Variants in SUPT16H observed in about 807,000 individuals in gnomAD.
The protein encoded by SUPT16H is SPT16 homolog, facilitates chromatin remodeling subunit.
SUPT16H carries 24 observed loss-of-function variants against 136.2 expected under a neutral mutation model. That is an observed-to-expected ratio of 0.18 (90% CI 0.13 to 0.25). SUPT16H has a LOEUF of 0.25. SUPT16H is among the 10% of genes least tolerant of loss of function. The probability of loss-of-function intolerance (pLI) is 1.00; values close to 1 mark genes in which losing one functional copy is unlikely to be tolerated. For missense variants in SUPT16H, 623 were observed against 1,270.2 expected, an observed-to-expected ratio of 0.49 and a Z score of 7.74; for synonymous variants, 415 against 428.2, an observed-to-expected ratio of 0.97 and a Z score of 0.38.
At chr14:21,365,235 A>G in intron 8 of SUPT16H, 92 bp from the exon 9 acceptor site, 2 of 1,211,478 alleles carry the variant, frequency 1.7e-6, no homozygotes, top group Non-Finnish European at 2.4e-6. Context: ...ACAATAAGAC[A>G]GGCAAACATG....
At chr14:21,383,563 G>A in intron 1 of SUPT16H, 1 of 689,608 alleles carries the variant, frequency 1.5e-6, no homozygotes, top group African/African-American at 1.8e-5. Flanking sequence ...CACGGAGTAG[G>A]AGGGAAGGAT....
At chr14:21,364,758 C>A (rs1886629469) in intron 10 of SUPT16H, 69 bp downstream of exon 10, 2 of 1,394,184 alleles carry the variant, frequency 1.4e-6, no homozygotes, top group Non-Finnish European at 2.0e-6. Context: ...AAGAAAAAAA[C>A]CACAGGGTCC....
chr14:21,362,661 G>T, intron 14 of SUPT16H, 133 bp downstream of exon 14: 1 of 1,035,182 alleles, frequency 9.7e-7, no homozygotes, highest in Non-Finnish European at 1.4e-6. Flanking sequence ...AAGACAAGAG[G>T]GATGTCAGTA....
chr14:21,360,351 A>G, intron 18 of SUPT16H, 64 bp downstream of exon 18: 1 of 1,273,730 alleles, frequency 7.9e-7, no homozygotes, highest in East Asian at 2.3e-5. Context: ...TTTATAGGAA[A>G]GAAGCTGAGT....
chr14:21,369,471 A>C lies in SUPT16H; in HGVS notation c.631-116T>G, dbSNP rs1479440560. 7 of 1,378,140 alleles carry C rather than the reference A, an allele frequency of 5.1e-6. No individual in the cohort carries two copies. In the African/African-American group the frequency reaches 5.8e-5, roughly 11 times the overall value. 85.4% of individuals were successfully genotyped at this position (1,378,140 alleles called of 1,614,324 possible). A position where few individuals can be genotyped will look rare whatever the true frequency, so the allele number is the denominator to read the frequency against. ...TTGTATAAGTCTTAGGAAATGATTT[A>C]TGCGCCAGGTAATATATTGGTATGC... On this transcript the variant is annotated intron_variant, in intron 5 of 25. Coordinates refer to ENST00000216297, the MANE Select transcript of SUPT16H (RefSeq NM_007192.4).
intron 17 of SUPT16H, 97 bp downstream of exon 17, chr14:21,360,749 G>C (rs958733317): frequency 4.0e-6 from 6 of 1,514,954 alleles, no homozygotes; most frequent in East Asian, 4.5e-5. Flanking sequence ...TGAGCTAACC[G>C]GCGGATGGCT....
chr14:21,369,400 C>T, intron 5 of SUPT16H, 45 bp from the exon 6 acceptor site: 1 of 1,611,018 alleles, frequency 6.2e-7, no homozygotes, highest in Non-Finnish European at 8.5e-7. Flanking sequence ...TAGAGGGTAG[C>T]AAAGCGGGGT....
intron 2 of SUPT16H, chr14:21,372,793 CTGATAT>C (rs1886816280): frequency 2.6e-6 from 1 of 387,374 alleles, no homozygotes. Context: ...TAAATCCATA[CTGATAT>C]TAATACTTCT....
chr14:21,354,417 C>T lies in SUPT16H; in HGVS notation c.2784G>A (p.Glu928=), dbSNP rs1398881288. The change falls in exon 23 of 26, where the codon GAG becomes GAA. Residue 928 remains glutamate, a synonymous_variant. Coordinates refer to ENST00000216297, the MANE Select transcript of SUPT16H (RefSeq NM_007192.4). ...EQGGWSFLEP[E]GEGSDAEEGD... is the part of the protein sequence containing the mutation. ...AAACCCCACACTCACGCACCTCACC[C>T]TCAGGCTCCAGGAAAGACCAGCCAC... 6.2e-7 allele frequency: 1 copy of T among 1,614,052 alleles called. No individual in the cohort carries two copies. Among genetic ancestry groups the T allele is most frequent in the Non-Finnish European group, 8.5e-7 (1 of 1,179,960 alleles).
At chr14:21,378,533 TGG>T (rs1886954235) in intron 1 of SUPT16H, among the ~76,000 whole-genome samples, 1 of 152,092 alleles carries the variant, frequency 6.6e-6, no homozygotes, top group Non-Finnish European at 1.5e-5. Context: ...TGTGGGGTGG[TGG>T]GTATAAAGGG....
At chr14:21,369,978 A>G (rs1300851385) in intron 4 of SUPT16H, 82 bp from the exon 5 acceptor site, 6 of 1,486,786 alleles carry the variant, frequency 4.0e-6, no homozygotes, top group Non-Finnish European at 5.6e-6. Flanking sequence ...GAATATTACC[A>G]GTGATATTTC....
intron 7 of SUPT16H, 59 bp downstream of exon 7, chr14:21,368,210 C>G: frequency 6.5e-7 from 1 of 1,547,954 alleles, no homozygotes; most frequent in East Asian, 2.3e-5. Context: ...ACCCACAGCT[C>G]CCGGCCAATG....
chr14:21,365,268 G>A (rs1594303232), intron 8 of SUPT16H, 125 bp from the exon 9 acceptor site: 1 of 852,248 alleles, frequency 1.2e-6, no homozygotes, highest in East Asian at 2.7e-5. Flanking sequence ...TACCCCTGCT[G>A]ACCGCTCAGT....
Position 21,362,194 on chromosome 14 carries a change from C to T in SUPT16H, c.1793+3G>A. ...CTGGGTATGACTTTTCTTGGGGACT[C>T]ACATTTCCTTGACAAAAGTCGCTTC... On this transcript the variant is annotated splice_donor_region_variant and intron_variant, in intron 15 of 25. Coordinates refer to ENST00000216297, the MANE Select transcript of SUPT16H (RefSeq NM_007192.4). 6.2e-7 allele frequency: 1 copy of T among 1,611,040 alleles called. No homozygotes were observed.
intron 1 of SUPT16H, among the ~76,000 whole-genome samples, chr14:21,378,125 A>C (rs2139419049): frequency 6.6e-6 from 1 of 150,530 alleles, no homozygotes; most frequent in East Asian, 2.0e-4. Flanking sequence ...TAAAATTCTG[A>C]GTGTGAGAAA....
intron 4 of SUPT16H, 142 bp downstream of exon 4, chr14:21,370,194 G>C: frequency 8.5e-7 from 1 of 1,171,422 alleles, no homozygotes; most frequent in South Asian, 1.6e-5. Flanking sequence ...AATAAAACTG[G>C]CACACTGCTC....
Position 21,371,964 on chromosome 14 carries a change from T to C in SUPT16H, c.240A>G (p.Lys80=), listed in dbSNP as rs776072498. 1.2e-5 allele frequency: 20 copies of C among 1,614,146 alleles called. 1 individual carries two copies. Among genetic ancestry groups the C allele is most frequent in the Middle Eastern group, 1.7e-4 (1 of 6,042 alleles). ...CAATCTGTTTCAAGAACTCCACTTT[T>C]TTCTTGCTGGCCATAAAGATGATTT... The part of the protein sequence containing the change: ...DDKIIFMASK[K]KVEFLKQIAN... Residue 80 remains lysine (K), a synonymous_variant, in exon 3 of 26, where the codon AAA becomes AAG. Transcript: ENST00000216297.
intron 20 of SUPT16H, 90 bp downstream of exon 20, chr14:21,358,225 T>C: frequency 1.2e-5 from 11 of 896,340 alleles, no homozygotes; most frequent in East Asian, 2.6e-5. Flanking sequence ...AAAAAGGATA[T>C]GATATGTTAA....
chr14:21,370,571 T>A, intron 3 of SUPT16H, 83 bp from the exon 4 acceptor site: 1 of 1,442,346 alleles, frequency 6.9e-7, no homozygotes, highest in East Asian at 2.3e-5. Context: ...TAGAATAATA[T>A]TCTAAACTAC....
Sources: allele counts gnomAD v4.1 joint callset (sites outside exome capture counted in the v4.1 genomes callset), GRCh38; gene constraint gnomAD v4.1.1; transcripts MANE v1.5; gene names NCBI Gene and HGNC (gene_info 2026-07-23, HGNC 2026-07-21).